C1orf159: variants seen among roughly 807,000 people sequenced by gnomAD.
C1orf159 encodes chromosome 1 open reading frame 159.
A neutral mutation model predicts 25.6 loss-of-function variants in C1orf159; 19 were observed. That is an observed-to-expected ratio of 0.74 (90% CI 0.52 to 1.09). C1orf159 has a LOEUF of 1.09. C1orf159 is among the 50% of genes least tolerant of loss of function. The pLI is 0.00. For synonymous variants in C1orf159, 139 were observed against 124.7 expected (o/e 1.12, Z -0.77); for missense variants, 274 against 290.6 (o/e 0.94, Z 0.42).
intron 9 of C1orf159, 26 bp downstream of exon 9, chr1:1,084,327 C>T (rs777894228): frequency 3.9e-6 from 6 of 1,535,132 alleles, no homozygotes; most frequent in Admixed American, 2.1e-5. Context: ...GGAAACCCCA[C>T]AGGGGGATGC....
intron 1 of C1orf159, among the ~76,000 whole-genome samples, chr1:1,109,368 T>TG (rs1395902586): frequency 6.6e-6 from 1 of 152,158 alleles, no homozygotes; most frequent in Non-Finnish European, 1.5e-5. Context: ...TGCCAGGGGC[T>TG]GGGGGGCAGG....
At chr1:1,088,824 C>A (rs930465354) in intron 4 of C1orf159, among the ~76,000 whole-genome samples, 1 of 152,150 alleles carries the variant, frequency 6.6e-6, no homozygotes, top group African/African-American at 2.4e-5. Context: ...GGGCCTGAGA[C>A]CCCGGCACGG....
intron 1 of C1orf159, among the ~76,000 whole-genome samples, chr1:1,105,639 TG>T (rs1442122728): frequency 6.6e-6 from 1 of 152,206 alleles, no homozygotes; most frequent in Non-Finnish European, 1.5e-5. Flanking sequence ...CCTAGCACTT[TG>T]GGAGGCCGAG....
Position 1,108,357 on chromosome 1 carries a change from T to C in C1orf159, c.-136+7703A>G, listed in dbSNP as rs76099452. ...ACCGTCCACCACAGCCACCATGTCT[T>C]GGCACTGTTCACCACAGCCACCATG... On this transcript the variant is annotated intron_variant, in intron 1 of 9. Transcript: ENST00000421241. 3.4e-3 allele frequency among the ~76,000 whole-genome samples: 161 copies of C among 47,194 alleles called. 3 individuals are homozygous for C. The East Asian group carries it at 0.041, about 12-fold the overall frequency. The allele number at this position is 47,194 out of a possible 152,430, so 31.0% of individuals were successfully genotyped here. A position where few individuals can be genotyped will look rare whatever the true frequency, so the allele number is the denominator to read the frequency against.
In C1orf159 at chr1:1,082,573, C is replaced by A. The variant is rs1645759880; in HGVS notation, c.*320G>T. On this transcript the variant is annotated 3_prime_UTR_variant, in exon 10 of 10. Transcript: ENST00000421241. Reference sequence around the variant, plus strand: ...AGCGGCACCTGCCCCATAGATCGTGCCAGCTTTGGCTGCAGGCGCTGGGGC... The same window carrying A: ...AGCGGCACCTGCCCCATAGATCGTGACAGCTTTGGCTGCAGGCGCTGGGGC... The A allele has an allele frequency of 7.5e-6, 3 of 401,332 alleles. No individual in the cohort carries two copies. Among genetic ancestry groups the A allele is most frequent in the Middle Eastern group, 7.4e-4 (1 of 1,360 alleles). 24.9% of individuals were successfully genotyped at this position (401,332 alleles called of 1,614,324 possible).
At chr1:1,106,473 C>T (rs1646172227) in intron 1 of C1orf159, among the ~76,000 whole-genome samples, 1 of 152,164 alleles carries the variant, frequency 6.6e-6, no homozygotes, top group South Asian at 2.1e-4. Context: ...AACACACACA[C>T]AAAATTAAAC....
At chr1:1,090,907 G>A (rs1319933080) in intron 3 of C1orf159, 1 of 1,550,416 alleles carries the variant, frequency 6.4e-7, no homozygotes. Context: ...CCTGACCACA[G>A]GCAGACTGGA....
intron 1 of C1orf159, among the ~76,000 whole-genome samples, chr1:1,098,041 CTTCTTCTGTTATTTTTTCCCCACCTGAG>C (rs888301700): frequency 6.6e-5 from 10 of 151,582 alleles, no homozygotes; most frequent in Non-Finnish European, 1.5e-4. Context: ...AATATTTTTT[CTTCTTCTGTTATTTTTTCCCCACCTGAG>C]TTACAAATTT....
Position 1,087,746 on chromosome 1 carries a change from C to T in C1orf159, c.149-149G>A, listed in dbSNP as rs996352638. 2 of 652,038 alleles carry T rather than the reference C, an allele frequency of 3.1e-6. No individual in the cohort carries two copies. The highest frequency in any genetic ancestry group is 2.7e-6 in the Non-Finnish European group (1 of 375,408). 40.4% of individuals were successfully genotyped at this position (652,038 alleles called of 1,614,324 possible). A position where few individuals can be genotyped will look rare whatever the true frequency, so the allele number is the denominator to read the frequency against. ...AGGGTAGGTGGGCGGCAGACAAGGA[C>T]ACCCCCAGGGAGCATGGCGGGGCCG... On this transcript the variant is annotated intron_variant, in intron 4 of 9. Coordinates refer to ENST00000421241, the MANE Select transcript of C1orf159 (RefSeq NM_017891.5). The surrounding 1 kb of genome is among the most constrained non-coding windows in gnomAD (Gnocchi z 8.3).
At position 1,089,403 on chromosome 1, in the gene C1orf159, C is replaced by T. The variant is rs754425888; in HGVS notation, c.148+950G>A. Reference sequence around the variant, plus strand: ...CAGCCACCAGGGCTTCAGCATCAGACGATGAGGACCCCAAGGTGCTCAGCT... The same window carrying T: ...CAGCCACCAGGGCTTCAGCATCAGATGATGAGGACCCCAAGGTGCTCAGCT... On this transcript the variant is annotated intron_variant, in intron 4 of 9. Coordinates refer to ENST00000421241, the MANE Select transcript of C1orf159 (RefSeq NM_017891.5). This position sits in a 1 kb window ranked among gnomAD's most constrained non-coding sequence, Gnocchi z 7.5. Among the ~76,000 whole-genome samples, 4 of 152,128 alleles carry T rather than the reference C, an allele frequency of 2.6e-5. No individual in the cohort carries two copies. The highest frequency in any genetic ancestry group is 4.8e-5 in the African/African-American group (2 of 41,420).
At chr1:1,100,808 A>C (rs1646090211) in intron 1 of C1orf159, among the ~76,000 whole-genome samples, 1 of 152,170 alleles carries the variant, frequency 6.6e-6, no homozygotes, top group Non-Finnish European at 1.5e-5. Context: ...TGCTTTTTCT[A>C]GTCTACTTAG....
Position 1,082,464 on chromosome 1 carries a change from A to G in C1orf159, c.*429T>C. ...ACTGTTCTCAGAGGGGTCTCGGGCCACTGGGTGTGGTGGTGCTGGAGGAGT... is the reference window on the plus strand; with the variant it reads ...ACTGTTCTCAGAGGGGTCTCGGGCCGCTGGGTGTGGTGGTGCTGGAGGAGT... On this transcript the variant is annotated 3_prime_UTR_variant, in exon 10 of 10. Transcript: ENST00000421241. 1 of 216,694 alleles carries G rather than the reference A, an allele frequency of 4.6e-6. No individual in the cohort carries two copies. The highest frequency in any genetic ancestry group is 9.4e-6 in the Non-Finnish European group (1 of 105,926). 13.4% of individuals were successfully genotyped at this position (216,694 alleles called of 1,614,324 possible).
chr1:1,092,106 G>A lies in C1orf159; in HGVS notation c.-135-3C>T. Reference sequence around the variant, plus strand: ...GCCCTGCAGACCCCGGCCCAGTCCTGCAGATGAAGACAGCAGGTGAGGCCG... The same window carrying A: ...GCCCTGCAGACCCCGGCCCAGTCCTACAGATGAAGACAGCAGGTGAGGCCG... On this transcript the variant is annotated splice_region_variant and splice_polypyrimidine_tract_variant and intron_variant, in intron 1 of 9. Transcript: ENST00000421241. The A allele has an allele frequency of 2.4e-6, 1 of 418,090 alleles. No homozygotes were observed. Among genetic ancestry groups the A allele is most frequent in the South Asian group, 1.7e-5 (1 of 59,654 alleles). 25.9% of individuals were successfully genotyped at this position (418,090 alleles called of 1,614,324 possible).
chr1:1,100,127 G>C (rs961533214), intron 1 of C1orf159, among the ~76,000 whole-genome samples: 2 of 152,030 alleles, frequency 1.3e-5, no homozygotes, highest in East Asian at 1.9e-4. Flanking sequence ...CGGACAGACA[G>C]ACACACACAC....
chr1:1,106,891 TG>T (rs1296120346), intron 1 of C1orf159: 1 of 152,732 alleles, frequency 6.5e-6, no homozygotes, highest in African/African-American at 2.4e-5. Context: ...CCCCCGGCCC[TG>T]GGCAGTGAGG....
chr1:1,099,148 T>G (rs1646053430), intron 1 of C1orf159, among the ~76,000 whole-genome samples: 1 of 152,090 alleles, frequency 6.6e-6, no homozygotes, highest in Non-Finnish European at 1.5e-5. Flanking sequence ...TTGATGTTTT[T>G]GGTCTATTAT....
At position 1,089,925 on chromosome 1, in the gene C1orf159, G is replaced by A. The variant is rs1483612404; in HGVS notation, c.148+428C>T. Among the ~76,000 whole-genome samples, 5 of 152,178 alleles carry A rather than the reference G, an allele frequency of 3.3e-5. No homozygotes were observed. Among genetic ancestry groups the A allele is most frequent in the Non-Finnish European group, 7.3e-5 (5 of 68,036 alleles). On this transcript the variant is annotated intron_variant, in intron 4 of 9. Coordinates refer to ENST00000421241, the MANE Select transcript of C1orf159 (RefSeq NM_017891.5). The surrounding 1 kb of genome is among the most constrained non-coding windows in gnomAD (Gnocchi z 7.5). ...TGACACAGGCCGGCATCCTCGTGGC[G>A]TCCTGTTGATTGGCATTCCACTCCA...
intron 1 of C1orf159, among the ~76,000 whole-genome samples, chr1:1,099,630 G>A (rs1473697080): frequency 1.3e-5 from 2 of 151,784 alleles, no homozygotes; most frequent in African/African-American, 4.8e-5. Context: ...AAGAATTGGA[G>A]AGAGAGAGGT....
At chr1:1,083,667 C>T in intron 9 of C1orf159, 1 of 555,918 alleles carries the variant, frequency 1.8e-6, no homozygotes, top group South Asian at 2.1e-5. Context: ...AAGCTGGCAG[C>T]CCCGGGGCAC....
Sources: allele counts gnomAD v4.1 joint callset (sites outside exome capture counted in the v4.1 genomes callset), GRCh38; gene constraint gnomAD v4.1.1; non-coding constraint Gnocchi (gnomAD v3.1); transcripts MANE v1.5; gene names NCBI Gene and HGNC (gene_info 2026-07-23, HGNC 2026-07-21).